SMYD3: variants seen among roughly 807,000 people sequenced by gnomAD.
SMYD3 encodes histone-lysine N-methyltransferase SMYD3.
Under a neutral mutation model 57.7 loss-of-function variants are expected in SMYD3, and 36 were observed. That is an observed-to-expected ratio of 0.62 (90% CI 0.48 to 0.82). The LOEUF (loss-of-function observed/expected upper bound fraction) is 0.82, where lower values mean the gene tolerates loss of function less well. SMYD3 is among the 40% of genes least tolerant of loss of function. SMYD3 has a pLI of 0.00. For synonymous variants in SMYD3, 211 were observed against 195.0 expected (o/e 1.08, Z -0.68); for missense variants, 515 against 538.8 (o/e 0.96, Z 0.44).
At chr1:246,358,944 A>G (rs10924705) in intron 1 of SMYD3, among the ~76,000 whole-genome samples, 28,210 of 152,106 alleles carry the variant, frequency 0.19, 2,892 homozygotes, top group East Asian at 0.42. Context: ...AATGCAGCAG[A>G]AGAAAAGAAA....
At chr1:245,760,950 G>A (rs1260478316) in intron 11 of SMYD3, among the ~76,000 whole-genome samples, 1 of 152,186 alleles carries the variant, frequency 6.6e-6, no homozygotes, top group African/African-American at 2.4e-5. Flanking sequence ...ACAAGTCTAT[G>A]GGATAGCTAT....
chr1:246,174,966 G>A (rs778585601), intron 5 of SMYD3, among the ~76,000 whole-genome samples: 5 of 152,024 alleles, frequency 3.3e-5, no homozygotes, highest in Non-Finnish European at 5.9e-5. Flanking sequence ...AATCTTTTAG[G>A]TATTAATGAG....
intron 5 of SMYD3, among the ~76,000 whole-genome samples, chr1:245,963,988 G>A (rs1167245735): frequency 6.6e-6 from 1 of 152,206 alleles, no homozygotes; most frequent in East Asian, 1.9e-4. Context: ...ACCAATGCTG[G>A]CTAATTTTCA....
At chr1:245,957,702 G>A (rs2057888404) in intron 5 of SMYD3, among the ~76,000 whole-genome samples, 1 of 152,062 alleles carries the variant, frequency 6.6e-6, no homozygotes, top group Admixed American at 6.5e-5. Context: ...CTCCATATAC[G>A]TCAACCAAAT....
rs575924852 is a variant in SMYD3 at position 246,395,965 on chromosome 1, G to A, written c.165-40871C>T. On this transcript the variant is annotated intron_variant, in intron 1 of 11. Transcript: ENST00000490107. ...CTATGATAGACACCTAAGATGATAGGGTGGCTTTTAAAACCTGATTTTAAG... is the reference window on the plus strand; with the variant it reads ...CTATGATAGACACCTAAGATGATAGAGTGGCTTTTAAAACCTGATTTTAAG... Among the ~76,000 whole-genome samples the A allele has an allele frequency of 2.8e-4, 42 of 152,262 alleles. No homozygotes were observed. The South Asian group carries it at 8.3e-3, about 30-fold the overall frequency.
intron 5 of SMYD3, among the ~76,000 whole-genome samples, chr1:246,089,532 C>T (rs1046875940): frequency 6.6e-6 from 1 of 152,150 alleles, no homozygotes; most frequent in Non-Finnish European, 1.5e-5. Context: ...ACTTCAGTTG[C>T]TCCTTTAAGA....
At chr1:246,335,229 A>T in intron 3 of SMYD3, 138 bp downstream of exon 3, 2 of 734,086 alleles carry the variant, frequency 2.7e-6, no homozygotes, top group Non-Finnish European at 4.4e-6. Context: ...AATTTGTGAG[A>T]CTCATTTTAT....
intron 5 of SMYD3, among the ~76,000 whole-genome samples, chr1:246,046,629 T>A (rs2148311907): frequency 6.8e-6 from 1 of 147,832 alleles, no homozygotes; most frequent in Non-Finnish European, 1.5e-5. Flanking sequence ...TGCAATAAAA[T>A]ATATATATAT....
intron 2 of SMYD3, among the ~76,000 whole-genome samples, chr1:246,350,394 T>C (rs935695188): frequency 3.9e-5 from 6 of 152,150 alleles, no homozygotes; most frequent in Admixed American, 6.5e-5. Context: ...TTGGAAAGAA[T>C]CGTAGTTAAC....
At chr1:246,491,229 T>G (rs946016842) in intron 1 of SMYD3, among the ~76,000 whole-genome samples, 1 of 152,092 alleles carries the variant, frequency 6.6e-6, no homozygotes, top group African/African-American at 2.4e-5. Context: ...GGACCACTAG[T>G]TATGCTTGAT....
intron 5 of SMYD3, chr1:245,930,568 T>C (rs988648196): frequency 1.8e-5 from 3 of 163,004 alleles, no homozygotes; most frequent in Non-Finnish European, 4.0e-5. Context: ...CACAATCGAC[T>C]GTGCTCAAGG....
rs550459745 is a variant in SMYD3, at chr1:245,909,449, A to C, written c.813+6081T>G. Among the ~76,000 whole-genome samples, 9 of 152,238 alleles carry C rather than the reference A, an allele frequency of 5.9e-5. No homozygotes were observed. In the East Asian group the frequency reaches 1.7e-3, roughly 29 times the overall value. The stretch of plus-strand genomic sequence containing the variant: ...GGAGGAGGAAATACTTCCAAAGTAT[A>C]TATATAAAACCAGCATTATGTAAAA... On this transcript the variant is annotated intron_variant, in intron 8 of 11. Coordinates refer to ENST00000490107, the MANE Select transcript of SMYD3 (RefSeq NM_001167740.2).
intron 5 of SMYD3, among the ~76,000 whole-genome samples, chr1:246,204,998 A>G (rs960329381): frequency 1.3e-5 from 2 of 152,204 alleles, no homozygotes; most frequent in Non-Finnish European, 2.9e-5. Context: ...AATTCCTGAG[A>G]TACCAGTGTG....
At chr1:246,268,706 A>G (rs1210899655) in intron 5 of SMYD3, among the ~76,000 whole-genome samples, 2 of 152,142 alleles carry the variant, frequency 1.3e-5, no homozygotes, top group African/African-American at 4.8e-5. Context: ...ACCATCAAAA[A>G]AAGAAAGAAA....
At chr1:246,348,799 T>TC (rs2065770828) in intron 2 of SMYD3, among the ~76,000 whole-genome samples, 1 of 290 alleles carries the variant, frequency 3.4e-3, no homozygotes, top group Non-Finnish European at 7.9e-3. Context: ...TAAAAATAAA[T>TC]TTTTTTCTTT....
At chr1:246,409,024 G>A (rs906776409) in intron 1 of SMYD3, among the ~76,000 whole-genome samples, 1 of 119,892 alleles carries the variant, frequency 8.3e-6, no homozygotes, top group Admixed American at 9.6e-5. Flanking sequence ...CTTTTTGATG[G>A]GTTTTTTTTT....
intron 11 of SMYD3, among the ~76,000 whole-genome samples, chr1:245,757,714 T>A (rs1572253537): frequency 6.6e-6 from 1 of 152,196 alleles, no homozygotes; most frequent in Non-Finnish European, 1.5e-5. Flanking sequence ...TTGGCATCCA[T>A]GTTGAAAATC....
chr1:246,313,755 A>G (rs560039270), intron 5 of SMYD3, among the ~76,000 whole-genome samples: 1 of 152,366 alleles, frequency 6.6e-6, no homozygotes, highest in South Asian at 2.1e-4. Flanking sequence ...TATCACTAAA[A>G]GAAAAAGAGG....
chr1:245,947,451 C>T (rs1164660972), intron 5 of SMYD3: 2 of 456,690 alleles, frequency 4.4e-6, no homozygotes, highest in Admixed American at 4.7e-5. Flanking sequence ...TTGTGAATGC[C>T]TTCTGCTACC....
Sources: gnomAD v4.1 joint callset for allele counts (sites outside exome capture counted in the v4.1 genomes callset) on GRCh38, gnomAD v4.1.1 for gene constraint, MANE v1.5 for transcripts, NCBI Gene and HGNC (gene_info 2026-07-23, HGNC 2026-07-21) for gene names.